The following DIAPH2 variants were observed in gnomAD, a reference collection of about 807,000 sequenced individuals.
DIAPH2 encodes the protein diaphanous related formin 2.
DIAPH2 carries 35 observed loss-of-function variants against 92.7 expected under a neutral mutation model. The ratio of observed to expected loss-of-function variants is 0.38; its 90% CI spans 0.29 to 0.50. The LOEUF is 0.50. Among genes scored for constraint, DIAPH2 ranks in the 20% least tolerant of loss-of-function variants. DIAPH2 has a pLI of 0.94. For missense variants in DIAPH2, 701 were observed against 819.5 expected, an observed-to-expected ratio of 0.86 and a Z score of 1.77; for synonymous variants, 301 against 280.4, an observed-to-expected ratio of 1.07 and a Z score of -0.73.
chrX:97,181,976 A>G (rs985518609), intron 22 of DIAPH2, among the ~76,000 whole-genome samples: 6 of 111,961 alleles, frequency 5.4e-5, no homozygotes, highest in African/African-American at 1.9e-4. Context: ...TTCATCAACC[A>G]TTTGCTTATC....
chrX:96,737,905 TAGC>T (rs988378608), intron 2 of DIAPH2, among the ~76,000 whole-genome samples: 4 of 111,793 alleles, frequency 3.6e-5, no homozygotes, highest in African/African-American at 1.3e-4. Context: ...CAATAATAAA[TAGC>T]AGCTAAGTGC....
At chrX:96,923,768 C>T (rs1020248014) in intron 9 of DIAPH2, among the ~76,000 whole-genome samples, 1 of 111,164 alleles carries the variant, frequency 9.0e-6, no homozygotes. Flanking sequence ...CTTCACAGAG[C>T]GCAGAGGCTA....
chrX:97,554,040 T>C (rs1032837072), intron 26 of DIAPH2, among the ~76,000 whole-genome samples: 7 of 111,811 alleles, frequency 6.3e-5, no homozygotes, highest in Non-Finnish European at 1.3e-4. Flanking sequence ...ATACATAATA[T>C]GTATACATAT....
chrX:97,469,847 G>A (rs2070547566), intron 26 of DIAPH2: 1 of 1,129,158 alleles, frequency 8.9e-7, no homozygotes, highest in Non-Finnish European at 1.2e-6. Flanking sequence ...TATTCATTTT[G>A]TCTGGTGCTC....
At chrX:97,167,960 T>C (rs896537901) in intron 22 of DIAPH2, among the ~76,000 whole-genome samples, 1 of 112,010 alleles carries the variant, frequency 8.9e-6, no homozygotes, top group Non-Finnish European at 1.9e-5. Context: ...ATTGAAATAT[T>C]ACAGATACAA....
intron 23 of DIAPH2, among the ~76,000 whole-genome samples, chrX:97,311,369 G>C (rs995932400): frequency 8.9e-6 from 1 of 111,834 alleles, no homozygotes; most frequent in Non-Finnish European, 1.9e-5. Flanking sequence ...AGATAGGACA[G>C]TTGCAATAAA....
chrX:97,090,166 T>A (rs1181947369), intron 19 of DIAPH2, among the ~76,000 whole-genome samples: 1 of 112,079 alleles, frequency 8.9e-6, no homozygotes, highest in African/African-American at 3.2e-5. Flanking sequence ...GGGAAAATAT[T>A]TCAAACAAAA....
At chrX:97,043,784 A>G (rs2066462717) in intron 17 of DIAPH2, among the ~76,000 whole-genome samples, 1 of 112,047 alleles carries the variant, frequency 8.9e-6, no homozygotes, top group Admixed American at 9.4e-5. Context: ...TCTAAATTAA[A>G]ATGCTAAAAG....
chrX:97,262,018 CA>C (rs975755280), intron 23 of DIAPH2, among the ~76,000 whole-genome samples: 5 of 91,656 alleles, frequency 5.5e-5, no homozygotes, highest in African/African-American at 2.1e-4. Context: ...AAATATTTAT[CA>C]AAAAAAAGTT....
At chrX:97,172,813 C>A (rs2067463982) in intron 22 of DIAPH2, among the ~76,000 whole-genome samples, 1 of 111,669 alleles carries the variant, frequency 9.0e-6, no homozygotes, top group Non-Finnish European at 1.9e-5. Flanking sequence ...TACTTTCAAA[C>A]TATCTCCCAA....
chrX:97,583,781 C>A (rs372309112), intron 26 of DIAPH2, among the ~76,000 whole-genome samples: 2 of 110,435 alleles, frequency 1.8e-5, no homozygotes, highest in East Asian at 2.9e-4. Context: ...GCCTCGCTGC[C>A]GCCTTGCAGT....
At chrX:97,579,123 C>T (rs758090977) in intron 26 of DIAPH2, among the ~76,000 whole-genome samples, 2 of 109,500 alleles carry the variant, frequency 1.8e-5, no homozygotes, top group South Asian at 4.0e-4. Flanking sequence ...TTGTAGGTTG[C>T]CTGTTCACTC....
chrX:97,057,263 G>A (rs1394348806), intron 17 of DIAPH2, among the ~76,000 whole-genome samples: 1 of 111,577 alleles, frequency 9.0e-6, no homozygotes, highest in Non-Finnish European at 1.9e-5. Flanking sequence ...TAAGGCTAGT[G>A]ACTTGTTTCC....
Position 97,302,264 on chromosome X carries a change from C to T in DIAPH2, c.2845-45852C>T, listed in dbSNP as rs1378072329. 1.1e-4 allele frequency among the ~76,000 whole-genome samples: 11 copies of T among 104,076 alleles called. No individual in the cohort carries two copies. The Admixed American group carries it at 1.1e-3, about 10-fold the overall frequency. 90.4% of individuals were successfully genotyped at this position (104,076 alleles called of 115,157 possible). ...GGACACTCAGCCAGGCATGGTGGCT[C>T]ACACCTGTAATCCCAGCACTTTGGG... On this transcript the variant is annotated intron_variant, in intron 23 of 26. Coordinates refer to ENST00000324765, the MANE Select transcript of DIAPH2 (RefSeq NM_006729.5).
At chrX:97,233,183 C>T (rs915226632) in intron 22 of DIAPH2, among the ~76,000 whole-genome samples, 2 of 112,093 alleles carry the variant, frequency 1.8e-5, no homozygotes, top group Admixed American at 9.5e-5. Context: ...ACTTTCAGGG[C>T]CTAAAAGAAC....
intron 4 of DIAPH2, among the ~76,000 whole-genome samples, chrX:96,781,374 C>A (rs995218139): frequency 3.6e-5 from 4 of 111,429 alleles, no homozygotes; most frequent in Non-Finnish European, 7.5e-5. Flanking sequence ...AGTTTAACCA[C>A]AAGTTTTGCA....
At chrX:96,828,248 T>A (rs2064828280) in intron 4 of DIAPH2, among the ~76,000 whole-genome samples, 1 of 111,762 alleles carries the variant, frequency 8.9e-6, no homozygotes, top group South Asian at 3.8e-4. Context: ...GGGATGAGAA[T>A]GGGCCTGTAT....
At chrX:97,405,406 A>G (rs2069799486) in intron 25 of DIAPH2, among the ~76,000 whole-genome samples, 1 of 111,512 alleles carries the variant, frequency 9.0e-6, no homozygotes, top group African/African-American at 3.3e-5. Flanking sequence ...ACTTCAGTGA[A>G]AAATTGACAA....
intron 22 of DIAPH2, among the ~76,000 whole-genome samples, chrX:97,235,601 CAAAAAA>C (rs10563336): frequency 9.4e-5 from 5 of 53,353 alleles, no homozygotes; most frequent in East Asian, 1.3e-3. Context: ...GAGACTACGT[CAAAAAA>C]AAAAAAAAAA....
Sources: allele counts gnomAD v4.1 joint callset (sites outside exome capture counted in the v4.1 genomes callset), GRCh38; gene constraint gnomAD v4.1.1; transcripts MANE v1.5; gene names NCBI Gene and HGNC (gene_info 2026-07-23, HGNC 2026-07-21).